CPOX: variants seen among roughly 807,000 people sequenced by gnomAD.
CPOX encodes oxygen-dependent coproporphyrinogen-III oxidase, mitochondrial.
A neutral mutation model predicts 48.9 loss-of-function variants in CPOX; 24 were observed. That is an observed-to-expected ratio of 0.49 (90% CI 0.36 to 0.69). The LOEUF is 0.69. Among genes scored for constraint, CPOX ranks in the 30% least tolerant of loss-of-function variants. The pLI, the probability that CPOX is intolerant of heterozygous loss-of-function variation, is 0.00. For missense variants in CPOX, 549 were observed against 597.3 expected, an observed-to-expected ratio of 0.92 and a Z score of 0.84; for synonymous variants, 249 against 234.6, an observed-to-expected ratio of 1.06 and a Z score of -0.56.
intron 4 of CPOX, among the ~76,000 whole-genome samples, chr3:98,586,548 A>T (rs1279918318): frequency 1.3e-5 from 2 of 152,214 alleles, no homozygotes; most frequent in African/African-American, 4.8e-5. Context: ...TTCATATGTC[A>T]TATCAGACAT....
intron 1 of CPOX, among the ~76,000 whole-genome samples, chr3:98,592,402 C>A (rs1364887929): frequency 2.0e-5 from 3 of 152,124 alleles, no homozygotes; most frequent in African/African-American, 7.2e-5. Context: ...AGCAGGAAAT[C>A]TGATGCGTGC....
At chr3:98,585,381 T>A in intron 5 of CPOX, 60 bp downstream of exon 5, 2 of 1,337,646 alleles carry the variant, frequency 1.5e-6, no homozygotes, top group Non-Finnish European at 2.2e-6. Context: ...CCCGCTATTA[T>A]TAAGAGCTGC....
chr3:98,590,929 C>G, intron 2 of CPOX, 83 bp downstream of exon 2: 6 of 1,524,466 alleles, frequency 3.9e-6, no homozygotes, highest in South Asian at 1.2e-5. Flanking sequence ...TTTTCAGAAG[C>G]AATATTTATT....
intron 4 of CPOX, 135 bp downstream of exon 4, chr3:98,588,578 A>G (rs1473987071): frequency 1.2e-6 from 1 of 847,962 alleles, no homozygotes; most frequent in Non-Finnish European, 1.9e-6. Context: ...CAGTATTCTA[A>G]TTCTTCTGAT....
rs1707257247 is a variant in CPOX at position 98,581,454 on chromosome 3, T to C, written c.1230A>G (p.Pro410=). 1.2e-6 allele frequency: 2 copies of C among 1,614,046 alleles called. No homozygotes were observed. Among genetic ancestry groups the C allele is most frequent in the Non-Finnish European group, 1.7e-6 (2 of 1,179,960 alleles). The change falls in exon 6 of 7, where the codon CCA becomes CCG. Residue 410 remains proline (P), a synonymous_variant. Transcript: ENST00000647941. ...DRGTKFGLFT[P]GSRIESILMS... is the part of the protein sequence containing the mutation. ...TCAAGATACTTTCAATTCTGGATCCTGGAGTGAAGAGGCCAAACTTTGTGC... is the reference window on the plus strand; with the variant it reads ...TCAAGATACTTTCAATTCTGGATCCCGGAGTGAAGAGGCCAAACTTTGTGC...
chr3:98,592,034 G>T (rs1312628917), intron 1 of CPOX, among the ~76,000 whole-genome samples: 1 of 151,216 alleles, frequency 6.6e-6, no homozygotes, highest in African/African-American at 2.4e-5. Context: ...TAAAAGAGAT[G>T]AAATACATAT....
rs1231073441 is a variant in CPOX at position 98,588,619 on chromosome 3, A to C, written c.953+94T>G. 6 of 1,335,428 alleles carry C rather than the reference A, an allele frequency of 4.5e-6. No homozygotes were observed. The Admixed American group carries it at 8.6e-5, about 19-fold the overall frequency. 82.7% of individuals were successfully genotyped at this position (1,335,428 alleles called of 1,614,324 possible). On this transcript the variant is annotated intron_variant, in intron 4 of 6. Transcript: ENST00000647941. ...AAGTAAGAAAACTAGTTCCATTTTCATAAGCAGAAGAGGGTATTTAGTGAC... is the reference window on the plus strand; with the variant it reads ...AAGTAAGAAAACTAGTTCCATTTTCCTAAGCAGAAGAGGGTATTTAGTGAC...
In CPOX at chr3:98,593,510, C is replaced by T. The variant is rs963753934; in HGVS notation, c.-6G>A. ...CTGCCCAGCTGCAAGGCCATGTTCC[C>T]GCACTATCACCTGGAGCAGTGCCTG... is the stretch of plus-strand genomic sequence containing the variant. On this transcript the variant is annotated 5_prime_UTR_variant, in exon 1 of 7. Transcript: ENST00000647941. 5 of 1,521,738 alleles carry T rather than the reference C, an allele frequency of 3.3e-6. No homozygotes were observed. The African/African-American group carries it at 5.6e-5, about 17-fold the overall frequency. The allele number at this position is 1,521,738 out of a possible 1,614,324, so 94.3% of individuals were successfully genotyped here.
At chr3:98,591,269 T>C in intron 1 of CPOX, 114 bp from the exon 2 acceptor site, 1 of 1,089,968 alleles carries the variant, frequency 9.2e-7, no homozygotes, top group East Asian at 2.5e-5. Context: ...TATCAGTGTA[T>C]TTATCATTTT....
intron 3 of CPOX, among the ~76,000 whole-genome samples, chr3:98,589,249 G>A (rs1348813608): frequency 6.6e-6 from 1 of 152,160 alleles, no homozygotes; most frequent in Non-Finnish European, 1.5e-5. Flanking sequence ...AACCCAGGAG[G>A]TGGAGGTTGC....
intron 5 of CPOX, among the ~76,000 whole-genome samples, chr3:98,582,325 T>C (rs1408233995): frequency 2.6e-5 from 4 of 152,148 alleles, no homozygotes; most frequent in African/African-American, 4.8e-5. Context: ...TGATTCATAA[T>C]CTGAAAAGTT....
Position 98,593,505 on chromosome 3 carries a change from G to T in CPOX, c.-1C>A. 1 of 1,522,082 alleles carries T rather than the reference G, an allele frequency of 6.6e-7. No individual in the cohort carries two copies. The highest frequency in any genetic ancestry group is 8.8e-7 in the Non-Finnish European group (1 of 1,141,338). 94.3% of individuals were successfully genotyped at this position (1,522,082 alleles called of 1,614,324 possible). On this transcript the variant is annotated 5_prime_UTR_variant, in exon 1 of 7. Transcript: ENST00000647941. ...TCAGCCTGCCCAGCTGCAAGGCCAT[G>T]TTCCCGCACTATCACCTGGAGCAGT...
the CPOX span, among the ~76,000 whole-genome samples, chr3:98,572,560 T>C: frequency 6.6e-6 from 1 of 152,224 alleles, no homozygotes; most frequent in South Asian, 2.1e-4. Flanking sequence ...ATATGGTTCT[T>C]GTTATTTTCT....
chr3:98,573,798 ATAGAG>A, the CPOX span, among the ~76,000 whole-genome samples: 5 of 152,252 alleles, frequency 3.3e-5, no homozygotes, highest in African/African-American at 1.2e-4. Context: ...ACATATTAAC[ATAGAG>A]TATAGATCAT....
the CPOX span, among the ~76,000 whole-genome samples, chr3:98,573,524 A>G: frequency 6.7e-6 from 1 of 149,266 alleles, no homozygotes; most frequent in African/African-American, 2.5e-5. Context: ...GCACTTTTTC[A>G]TTCTCCCTCC....
downstream of CPOX, among the ~76,000 whole-genome samples, chr3:98,576,531 A>G (rs6439950): frequency 0.35 from 53,744 of 151,998 alleles, 9,660 homozygotes; most frequent in African/African-American, 0.41. Flanking sequence ...ACAACTTATG[A>G]CTTGATTTCA....
Position 98,580,704 on chromosome 3 carries a change from A to T in CPOX, c.1344T>A (p.His448Gln). 1 of 1,614,206 alleles carries T rather than the reference A, an allele frequency of 6.2e-7. No homozygotes were observed. The highest frequency in any genetic ancestry group is 8.5e-7 in the Non-Finnish European group (1 of 1,180,004). The change falls in exon 7 of 7, where the codon CAT (histidine) becomes CAA (glutamine). Residue 448 changes from histidine (H) to glutamine (Q), a missense_variant. His to Gln is a conservative substitution (Grantham distance 24, BLOSUM62 0). Coordinates refer to ENST00000647941, the MANE Select transcript of CPOX (RefSeq NM_000097.7). ...TGCATCAACGCACCCAGTCCCTTGG[A>T]TGGCGTAGAACTTCCAGAATTTCAG... ...KEAEILEVLR[H>Q]PRDWVR
intron 1 of CPOX, among the ~76,000 whole-genome samples, chr3:98,592,743 C>G (rs1261937962): frequency 6.6e-6 from 1 of 152,090 alleles, no homozygotes; most frequent in Non-Finnish European, 1.5e-5. Context: ...ACAGTGACAG[C>G]TGATCCGGGT....
intron 1 of CPOX, 24 bp from the exon 2 acceptor site, chr3:98,591,179 G>A: frequency 6.2e-7 from 1 of 1,614,038 alleles, no homozygotes; most frequent in Non-Finnish European, 8.5e-7. Flanking sequence ...TGTAAAAAAG[G>A]AGAGAATGTA....
Sources: gnomAD v4.1 joint callset for allele counts (sites outside exome capture counted in the v4.1 genomes callset) on GRCh38, gnomAD v4.1.1 for gene constraint, MANE v1.5 for transcripts, NCBI Gene and HGNC (gene_info 2026-07-23, HGNC 2026-07-21) for gene names.